GALNT18: variants seen among roughly 807,000 people sequenced by gnomAD.
GALNT18 encodes GalNAc-transferase 18.
In GALNT18, 44 loss-of-function variants were observed where a neutral mutation model predicts 69.5. That is an observed-to-expected ratio of 0.63 (90% CI 0.50 to 0.81). GALNT18 has a LOEUF of 0.81. Among genes scored for constraint, GALNT18 ranks in the 40% least tolerant of loss-of-function variants. The pLI is 0.00. For missense variants in GALNT18, 715 were observed against 810.0 expected, an observed-to-expected ratio of 0.88 and a Z score of 1.42; for synonymous variants, 364 against 318.2, an observed-to-expected ratio of 1.14 and a Z score of -1.53.
intron 3 of GALNT18, among the ~76,000 whole-genome samples, chr11:11,422,467 T>C (rs1855032294): frequency 6.6e-6 from 1 of 152,230 alleles, no homozygotes; most frequent in Admixed American, 6.5e-5. Flanking sequence ...GCAAAGAGCC[T>C]TTGGCTGAAC....
At chr11:11,275,277 G>A (rs563458649) in intron 10 of GALNT18, among the ~76,000 whole-genome samples, 3 of 152,214 alleles carry the variant, frequency 2.0e-5, no homozygotes, top group Non-Finnish European at 4.4e-5. Context: ...GTTTTGATTT[G>A]CATTTCTCTA....
intron 10 of GALNT18, among the ~76,000 whole-genome samples, chr11:11,273,658 A>C (rs565415383): frequency 6.6e-6 from 1 of 152,200 alleles, no homozygotes; most frequent in Non-Finnish European, 1.5e-5. Context: ...ACTGAAAATA[A>C]AACTACTGTA....
intron 1 of GALNT18, among the ~76,000 whole-genome samples, chr11:11,460,724 TC>T: frequency 6.6e-6 from 1 of 152,328 alleles, no homozygotes; most frequent in African/African-American, 2.4e-5. Flanking sequence ...CCAACTGGCT[TC>T]CTGCTACTGT....
intron 7 of GALNT18, among the ~76,000 whole-genome samples, chr11:11,333,089 A>AG (rs1329232498): frequency 8.8e-6 from 1 of 114,136 alleles, no homozygotes; most frequent in African/African-American, 2.9e-5. Flanking sequence ...AAATCCTTAA[A>AG]GAAAAAAAAA....
rs1326538166 is a variant in GALNT18 at position 11,435,636 on chromosome 11, A to G, written c.429-2849T>C. Among the ~76,000 whole-genome samples the G allele has an allele frequency of 2.6e-5, 4 of 152,108 alleles. No individual in the cohort carries two copies. The highest frequency in any genetic ancestry group is 5.9e-5 in the Non-Finnish European group (4 of 68,016). On this transcript the variant is annotated intron_variant, in intron 2 of 10. Transcript: ENST00000227756. This position sits in a 1 kb window ranked among gnomAD's most constrained non-coding sequence, Gnocchi z 4.4. ...TCCCAACCTTGGACCACAGTCTGGC[A>G]CTTAGTAGGCACTCCATGAATGTTT...
intron 1 of GALNT18, among the ~76,000 whole-genome samples, chr11:11,574,916 C>T (rs545780930): frequency 2.2e-4 from 34 of 152,356 alleles, no homozygotes; most frequent in African/African-American, 7.0e-4. Context: ...AGACCCAAAG[C>T]ATGCAAATTA....
In GALNT18 at chr11:11,332,641, A is replaced by G; in HGVS notation, c.1416+53T>C. ...TTTCCCTCCTCTCCCTTTCTTCACT[A>G]TGTTTCTTTCTGTCTGTGTCTGAAT... On this transcript the variant is annotated intron_variant, in intron 8 of 10. Coordinates refer to ENST00000227756, the MANE Select transcript of GALNT18 (RefSeq NM_198516.3). The surrounding 1 kb of genome is among the most constrained non-coding windows in gnomAD (Gnocchi z 4.3). The G allele has an allele frequency of 6.3e-7, 1 of 1,598,244 alleles. No homozygotes were observed. Among genetic ancestry groups the G allele is most frequent in the Non-Finnish European group, 8.6e-7 (1 of 1,166,664 alleles).
At chr11:11,279,890 GTTC>G (rs1049241649) in intron 10 of GALNT18, among the ~76,000 whole-genome samples, 3 of 151,776 alleles carry the variant, frequency 2.0e-5, no homozygotes, top group Non-Finnish European at 2.9e-5. Context: ...ATGTATCCAT[GTTC>G]TTCAATTGAA....
At chr11:11,560,114 TACA>T (rs1217665133) in intron 1 of GALNT18, among the ~76,000 whole-genome samples, 360 of 1,736 alleles carry the variant, frequency 0.21, 2 homozygotes, top group East Asian at 0.26. Context: ...TAGAATAAGA[TACA>T]ATGGGATGGG....
intron 1 of GALNT18, among the ~76,000 whole-genome samples, chr11:11,537,558 A>G (rs1380463070): frequency 6.6e-6 from 1 of 152,172 alleles, no homozygotes; most frequent in Non-Finnish European, 1.5e-5. Context: ...TGAAGACTAC[A>G]GGCCCTAGTG....
intron 10 of GALNT18, among the ~76,000 whole-genome samples, chr11:11,286,771 CG>C (rs1849204127): frequency 6.6e-6 from 1 of 152,016 alleles, no homozygotes; most frequent in Non-Finnish European, 1.5e-5. Context: ...GAGAGGGACA[CG>C]GGTTGAAATA....
chr11:11,309,923 G>T lies in GALNT18; in HGVS notation c.1513-16730C>A, dbSNP rs115218736. Among the ~76,000 whole-genome samples, 833 of 151,934 alleles carry T rather than the reference G, an allele frequency of 5.5e-3. 7 individuals carry two copies. The highest frequency in any genetic ancestry group is 0.019 in the African/African-American group (795 of 41,402). The stretch of plus-strand genomic sequence containing the variant: ...CCCCAGGGATATTGCTTTGTTAATT[G>T]CCCCCTTAAATAGATCTCTCTACTT... On this transcript the variant is annotated intron_variant, in intron 9 of 10. Coordinates refer to ENST00000227756, the MANE Select transcript of GALNT18 (RefSeq NM_198516.3). This position sits in a 1 kb window ranked among gnomAD's most constrained non-coding sequence, Gnocchi z 4.6.
At chr11:11,409,195 T>G (rs997357181) in intron 3 of GALNT18, among the ~76,000 whole-genome samples, 16 of 152,176 alleles carry the variant, frequency 1.1e-4, no homozygotes, top group Non-Finnish European at 2.2e-4. Context: ...CACCTGCTTC[T>G]AGCTACTGGC....
chr11:11,460,215 G>A (rs1036999919), intron 1 of GALNT18, among the ~76,000 whole-genome samples: 4 of 152,150 alleles, frequency 2.6e-5, no homozygotes, highest in Non-Finnish European at 5.9e-5. Flanking sequence ...ATATTCACAG[G>A]TTCCAGGGAT....
chr11:11,280,238 G>A (rs1207576661), intron 10 of GALNT18, among the ~76,000 whole-genome samples: 4 of 152,174 alleles, frequency 2.6e-5, no homozygotes, highest in Admixed American at 6.5e-5. Context: ...GGGGCCCACT[G>A]TTTGCCAGGG....
At chr11:11,405,618 A>G (rs1854572247) in intron 3 of GALNT18, among the ~76,000 whole-genome samples, 1 of 152,168 alleles carries the variant, frequency 6.6e-6, no homozygotes, top group African/African-American at 2.4e-5. Context: ...AAAGGATCAC[A>G]TTTTCTCCTT....
intron 3 of GALNT18, among the ~76,000 whole-genome samples, chr11:11,408,182 C>T (rs1387465126): frequency 6.6e-6 from 1 of 152,106 alleles, no homozygotes; most frequent in East Asian, 1.9e-4. Flanking sequence ...CTGGTCAACT[C>T]GGTGAAACTC....
chr11:11,517,742 G>A (rs769493684), intron 1 of GALNT18, among the ~76,000 whole-genome samples: 8 of 152,056 alleles, frequency 5.3e-5, no homozygotes, highest in Non-Finnish European at 7.3e-5. Flanking sequence ...TGTCCTTGCT[G>A]AGCCATCTAG....
At position 11,483,017 on chromosome 11, in the gene GALNT18, G is replaced by A. The variant is rs373601374; in HGVS notation, c.236-34081C>T. 9.7e-4 allele frequency among the ~76,000 whole-genome samples: 147 copies of A among 152,302 alleles called. 3 individuals carry two copies. In the South Asian group the frequency reaches 0.023, roughly 24 times the overall value. On this transcript the variant is annotated intron_variant, in intron 1 of 10. Transcript: ENST00000227756. ...GATTCATATGGACATTAAAATCTGC[G>A]AAGTTCAGCCTTTGCTCAGATTCAC...
Sources: gnomAD v4.1 joint callset for allele counts (sites outside exome capture counted in the v4.1 genomes callset) on GRCh38, gnomAD v4.1.1 for gene constraint, Gnocchi (gnomAD v3.1) non-coding constraint, MANE v1.5 for transcripts, NCBI Gene and HGNC (gene_info 2026-07-23, HGNC 2026-07-21) for gene names.